SGCZ: variants seen among roughly 807,000 people sequenced by gnomAD.
The protein encoded by SGCZ is sarcoglycan zeta.
Under a neutral mutation model 41.3 loss-of-function variants are expected in SGCZ, and 40 were observed. That is an observed-to-expected ratio of 0.97 (90% CI 0.75 to 1.26). The LOEUF is 1.26. Ranked by LOEUF, SGCZ falls within the 50% of genes most tolerant of loss-of-function variation. The probability of loss-of-function intolerance (pLI) is 0.00; values close to 1 mark genes in which losing one functional copy is unlikely to be tolerated. For missense variants in SGCZ, 552 were observed against 369.8 expected, an observed-to-expected ratio of 1.49 and a Z score of -4.04; for synonymous variants, 206 against 137.5, an observed-to-expected ratio of 1.50 and a Z score of -3.49.
chr8:14,411,172 T>G (rs570639865), intron 2 of SGCZ, among the ~76,000 whole-genome samples: 1 of 152,246 alleles, frequency 6.6e-6, no homozygotes, highest in Non-Finnish European at 1.5e-5. Flanking sequence ...TTAGAAATAA[T>G]TTTCATTAAT....
At chr8:14,449,352 G>A (rs904388192) in intron 2 of SGCZ, among the ~76,000 whole-genome samples, 1 of 152,134 alleles carries the variant, frequency 6.6e-6, no homozygotes, top group African/African-American at 2.4e-5. Context: ...GATGAATGAT[G>A]TGCAATACCA....
chr8:14,460,578 G>A (rs1339510796), intron 2 of SGCZ, among the ~76,000 whole-genome samples: 2 of 152,122 alleles, frequency 1.3e-5, no homozygotes, highest in Non-Finnish European at 1.5e-5. Context: ...ATAGAAAGAT[G>A]TGCATAATAA....
intron 3 of SGCZ, among the ~76,000 whole-genome samples, chr8:14,280,415 CTAAATTCTACCTTT>C (rs1800381630): frequency 6.6e-6 from 1 of 151,756 alleles, no homozygotes; most frequent in Non-Finnish European, 1.5e-5. Context: ...TCTAATACTC[CTAAATTCTACCTTT>C]TAAAAGGAAG....
intron 1 of SGCZ, among the ~76,000 whole-genome samples, chr8:14,912,552 T>G (rs943398284): frequency 6.6e-6 from 1 of 152,044 alleles, no homozygotes; most frequent in East Asian, 1.9e-4. Context: ...AGATGGAATA[T>G]AGTAGTGATG....
chr8:14,918,708 G>A lies in SGCZ; in HGVS notation c.39+318877C>T, dbSNP rs892218047. Reference sequence around the variant, plus strand: ...AATTTTGTATCTTACTATGTTTGGGGAAGTCTTCATTATTGTTCTGAAGAG... The same window carrying A: ...AATTTTGTATCTTACTATGTTTGGGAAAGTCTTCATTATTGTTCTGAAGAG... On this transcript the variant is annotated intron_variant, in intron 1 of 7. Coordinates refer to ENST00000382080, the MANE Select transcript of SGCZ (RefSeq NM_139167.4). Among the ~76,000 whole-genome samples, 4 of 152,156 alleles carry A rather than the reference G, an allele frequency of 2.6e-5. No individual in the cohort carries two copies. In the East Asian group the frequency reaches 7.7e-4, roughly 29 times the overall value.
intron 1 of SGCZ, among the ~76,000 whole-genome samples, chr8:14,603,816 T>C (rs1005938677): frequency 6.6e-6 from 1 of 152,164 alleles, no homozygotes; most frequent in Admixed American, 6.5e-5. Flanking sequence ...GGGACCCTTG[T>C]CCTGTCTTTG....
chr8:14,183,233 C>A (rs2117028216), intron 4 of SGCZ, among the ~76,000 whole-genome samples: 1 of 151,734 alleles, frequency 6.6e-6, no homozygotes, highest in Admixed American at 6.6e-5. Flanking sequence ...AATAGAAAAC[C>A]TGGATACTCC....
At chr8:14,953,247 G>A (rs1408142228) in intron 1 of SGCZ, among the ~76,000 whole-genome samples, 1 of 152,118 alleles carries the variant, frequency 6.6e-6, no homozygotes, top group Non-Finnish European at 1.5e-5. Context: ...AGGCGAAGGG[G>A]AAGCAAGTAC....
At chr8:14,230,762 G>C (rs962677670) in intron 4 of SGCZ, among the ~76,000 whole-genome samples, 4 of 106,600 alleles carry the variant, frequency 3.8e-5, no homozygotes, top group Non-Finnish European at 9.5e-5. Context: ...TTTTTTGGTG[G>C]TGGTGGGGGG....
At chr8:14,316,520 C>T (rs6995118) in intron 3 of SGCZ, among the ~76,000 whole-genome samples, 3,201 of 151,988 alleles carry the variant, frequency 0.021, 114 homozygotes, top group African/African-American at 0.072. Flanking sequence ...AAAGCATAAT[C>T]GAGTTAATAG....
At chr8:14,309,166 C>T (rs1801443311) in intron 3 of SGCZ, 6 of 1,474,672 alleles carry the variant, frequency 4.1e-6, no homozygotes, top group Middle Eastern at 2.4e-4. Flanking sequence ...TTTTTAAAAA[C>T]GAAAAAAGCA....
chr8:14,505,077 G>C (rs1802265626), intron 2 of SGCZ, among the ~76,000 whole-genome samples: 1 of 151,972 alleles, frequency 6.6e-6, no homozygotes, highest in African/African-American at 2.4e-5. Flanking sequence ...TGAGCTCATG[G>C]GTTCACGACT....
chr8:14,406,062 A>T (rs1366194281), intron 2 of SGCZ, among the ~76,000 whole-genome samples: 1 of 151,956 alleles, frequency 6.6e-6, no homozygotes, highest in African/African-American at 2.4e-5. Flanking sequence ...CATCAAATAT[A>T]TGCATGATCT....
intron 1 of SGCZ, among the ~76,000 whole-genome samples, chr8:14,947,425 G>C (rs1313160261): frequency 6.6e-6 from 1 of 151,986 alleles, no homozygotes; most frequent in Non-Finnish European, 1.5e-5. Flanking sequence ...CTCTTTCTTT[G>C]TCCTGATGTG....
At chr8:14,246,839 G>A (rs1799112161) in intron 3 of SGCZ, among the ~76,000 whole-genome samples, 1 of 147,464 alleles carries the variant, frequency 6.8e-6, no homozygotes. Flanking sequence ...GAACCCGGGA[G>A]GCAGAGCTTG....
At chr8:14,662,428 G>A (rs1807785504) in intron 1 of SGCZ, among the ~76,000 whole-genome samples, 1 of 152,148 alleles carries the variant, frequency 6.6e-6, no homozygotes, top group African/African-American at 2.4e-5. Context: ...ACCCTTGTGA[G>A]GCTCCTAATG....
intron 5 of SGCZ, among the ~76,000 whole-genome samples, chr8:14,129,179 C>G (rs556732166): frequency 4.1e-5 from 6 of 145,770 alleles, no homozygotes; most frequent in Non-Finnish European, 9.0e-5. Context: ...AAACCCCTCT[C>G]TACTAAAAAT....
chr8:14,820,218 A>G (rs1802033083), intron 1 of SGCZ, among the ~76,000 whole-genome samples: 1 of 152,068 alleles, frequency 6.6e-6, no homozygotes, highest in African/African-American at 2.4e-5. Context: ...ACCAAAGTCA[A>G]CATGAATAGC....
chr8:15,008,551 G>GGGA (rs1563432383), intron 1 of SGCZ, among the ~76,000 whole-genome samples: 1 of 62,156 alleles, frequency 1.6e-5, no homozygotes, highest in African/African-American at 6.8e-5. Flanking sequence ...AAGGGAGGGA[G>GGGA]TGAGGGAGGG....
Sources: gnomAD v4.1 joint callset for allele counts (sites outside exome capture counted in the v4.1 genomes callset) on GRCh38, gnomAD v4.1.1 for gene constraint, MANE v1.5 for transcripts, NCBI Gene and HGNC (gene_info 2026-07-23, HGNC 2026-07-21) for gene names.